The following DACT2 variants were observed in gnomAD, a reference collection of about 807,000 sequenced individuals.
DACT2 encodes the protein dishevelled binding antagonist of beta catenin 2.
Under a neutral mutation model 22.2 loss-of-function variants are expected in DACT2, and 20 were observed. The observed-to-expected ratio is 0.90, with a 90% CI of 0.63 to 1.31. The LOEUF (loss-of-function observed/expected upper bound fraction) is 1.31. Among genes scored for constraint, DACT2 ranks in the 50% most tolerant of loss-of-function variants. DACT2 has a pLI of 0.00. For missense variants in DACT2, 1,048 were observed against 1,061.4 expected (o/e 0.99, Z 0.18); for synonymous variants, 463 against 479.8 (o/e 0.96, Z 0.46).
In DACT2 at chr6:168,293,933, A is replaced by G. The variant is rs374084781; in HGVS notation, c.804T>C (p.Ser268=). The change falls in exon 6 of 6, where the codon AGT becomes AGC. Residue 268 remains serine (S), a synonymous_variant. Transcript: ENST00000366796. ...AAATTCCTGATGATTTTGTCTTTGAACTTGTGTTCTGTAAGTGACGTCCCC... is the reference window on the plus strand; with the variant it reads ...AAATTCCTGATGATTTTGTCTTTGAGCTTGTGTTCTGTAAGTGACGTCCCC... The G allele has an allele frequency of 4.8e-5, 34 of 703,318 alleles. 2 individuals are homozygous for G. The highest frequency in any genetic ancestry group is 4.3e-4 in the East Asian group (16 of 37,298). 43.6% of individuals were successfully genotyped at this position (703,318 alleles called of 1,614,324 possible). A position where few individuals can be genotyped will look rare whatever the true frequency, so the allele number is the denominator to read the frequency against.
chr6:168,311,085 A>G (rs982563967), intron 2 of DACT2, 67 bp downstream of exon 2: 1 of 1,434,220 alleles, frequency 7.0e-7, no homozygotes, highest in Non-Finnish European at 9.2e-7. Context: ...GGCTGGCGGG[A>G]TAGGCTTCAC....
At chr6:168,318,044 ATTGTGT>A (rs1403745788) in intron 1 of DACT2, among the ~76,000 whole-genome samples, 11 of 116,104 alleles carry the variant, frequency 9.5e-5, no homozygotes, top group African/African-American at 3.2e-4. Context: ...AGAAGCTGCG[ATTGTGT>A]CTGGTGCAAA....
At chr6:168,311,495 G>GCCCCC (rs539267578) in intron 1 of DACT2, among the ~76,000 whole-genome samples, 7 of 136,806 alleles carry the variant, frequency 5.1e-5, no homozygotes, top group African/African-American at 2.0e-4. Context: ...GACACCCATC[G>GCCCCC]CCCCCCACAC....
At chr6:168,311,101 C>A in intron 2 of DACT2, 51 bp downstream of exon 2, 1 of 1,479,488 alleles carries the variant, frequency 6.8e-7, no homozygotes, top group Non-Finnish European at 9.0e-7. Context: ...TTCACCTCTG[C>A]CTGTGCTGCG....
At chr6:168,305,063 GGAGA>G (rs760308613), downstream of DACT2, among the ~76,000 whole-genome samples, 4 of 152,060 alleles carry the variant, frequency 2.6e-5, no homozygotes, top group Admixed American at 6.6e-5. Flanking sequence ...CATGAGAGAG[GGAGA>G]GAGAGAGAAA....
chr6:168,309,278 G>A (rs557973800), intron 3 of DACT2, among the ~76,000 whole-genome samples, 180 bp from the exon 4 acceptor site: 106 of 152,178 alleles, frequency 7.0e-4, no homozygotes, highest in Non-Finnish European at 1.3e-3. Flanking sequence ...GACACAGGGC[G>A]CGGGGCAGAC....
chr6:168,308,813 T>A lies in DACT2; in HGVS notation c.944A>T (p.Asn315Ile). 1 of 1,551,390 alleles carries A rather than the reference T, an allele frequency of 6.4e-7. No individual in the cohort carries two copies. The change falls in exon 4 of 4, where the codon AAC becomes ATC. Residue 315 changes from asparagine (N) to isoleucine (I), a missense_variant. Coordinates refer to ENST00000366795, the MANE Select transcript of DACT2 (RefSeq NM_214462.5). ...RESPRGPAGL[N>I]TIQTGPVLEA... ...GAGGACCGGCCCAGTCTGGATGGTGTTCAGACCTGCGGGGCCCCTGGGGCT... is the reference window on the plus strand; with the variant it reads ...GAGGACCGGCCCAGTCTGGATGGTGATCAGACCTGCGGGGCCCCTGGGGCT...
chr6:168,312,988 A>G (rs904270560), intron 1 of DACT2, among the ~76,000 whole-genome samples: 3 of 152,212 alleles, frequency 2.0e-5, no homozygotes, highest in Non-Finnish European at 2.9e-5. Context: ...CTCCTCCTCC[A>G]GGACCCAACT....
chr6:168,311,126 T>G, intron 2 of DACT2, 26 bp downstream of exon 2: 1 of 1,506,376 alleles, frequency 6.6e-7, no homozygotes, highest in Non-Finnish European at 8.9e-7. Context: ...TGCCCCTGTG[T>G]CCGGGAGGTC....
At chr6:168,304,721 G>A (rs1229468763), downstream of DACT2, among the ~76,000 whole-genome samples, 1 of 152,200 alleles carries the variant, frequency 6.6e-6, no homozygotes, top group African/African-American at 2.4e-5. Context: ...CAAATCCTGA[G>A]GAGCTATCAG....
At chr6:168,304,340 G>C (rs931756128), downstream of DACT2, among the ~76,000 whole-genome samples, 4 of 152,224 alleles carry the variant, frequency 2.6e-5, no homozygotes, top group South Asian at 2.1e-4. Flanking sequence ...CTTTCTGCGC[G>C]CCTGCCTGGG....
chr6:168,311,584 C>CACACACACACACACACACCCATCCA (rs1562498529), intron 1 of DACT2, among the ~76,000 whole-genome samples: 1 of 86,102 alleles, frequency 1.2e-5, no homozygotes, highest in Admixed American at 1.2e-4. Flanking sequence ...ACACACCCAT[C>CACACACACACACACACACCCATCCA]CACACACACA....
In DACT2 at chr6:168,307,764, T is replaced by G; in HGVS notation, c.1993A>C (p.Lys665Gln). The change falls in exon 4 of 4, where the codon AAG becomes CAG. Residue 665 changes from lysine to glutamine, a missense_variant. Physicochemically the swap from Lys to Gln is moderately conservative, Grantham distance 53. Coordinates refer to ENST00000366795, the MANE Select transcript of DACT2 (RefSeq NM_214462.5). This position sits in a 1 kb window ranked among gnomAD's most constrained non-coding sequence, Gnocchi z 5.3. ...CGCGGGTCACACTCGGCCGAGTGCT[T>G]GGAGGGCTCTGAGTCGCTCCTGGTG... is the stretch of plus-strand genomic sequence containing the variant. ...AYTRSDSEPS[K>Q]HSAECDPRFP... 6.5e-7 allele frequency: 1 copy of G among 1,546,800 alleles called. No homozygotes were observed. Among genetic ancestry groups the G allele is most frequent in the Non-Finnish European group, 8.7e-7 (1 of 1,146,800 alleles).
At chr6:168,294,547 ATGTG>A in intron 4 of DACT2, 3 of 752,500 alleles carry the variant, frequency 4.0e-6, no homozygotes, top group Non-Finnish European at 5.7e-6. Flanking sequence ...ATAATAAAAT[ATGTG>A]TGTGTGTGTA....
chr6:168,312,702 G>A (rs547972543), intron 1 of DACT2, among the ~76,000 whole-genome samples: 1 of 152,196 alleles, frequency 6.6e-6, no homozygotes, highest in African/African-American at 2.4e-5. Flanking sequence ...TAATTATGTG[G>A]TTGTTTCTCT....
chr6:168,307,920 C>T lies in DACT2; in HGVS notation c.1837G>A (p.Val613Met), dbSNP rs1474044975. Residue 613 changes from valine to methionine, a missense_variant, in exon 4 of 4, where the codon GTG (valine) becomes ATG (methionine). Transcript: ENST00000366795. The surrounding 1 kb of genome is among the most constrained non-coding windows in gnomAD (Gnocchi z 5.3). ...RRKHRRWQST[V>M]EISARARLAS... ...AGGCGGGCCCGGGCCGAGATCTCCA[C>T]GGTGGACTGCCAGCGGCGATGCTTC... The T allele has an allele frequency of 2.7e-5, 42 of 1,545,680 alleles. No homozygotes were observed. Among genetic ancestry groups the T allele is most frequent in the African/African-American group, 6.8e-5 (5 of 73,034 alleles).
chr6:168,307,461 TCGGCTG>T lies in DACT2; in HGVS notation c.2290_2295del (p.Gln764_Pro765del). 6.4e-7 allele frequency: 1 copy of T among 1,551,656 alleles called. No individual in the cohort carries two copies. The highest frequency in any genetic ancestry group is 8.7e-7 in the Non-Finnish European group (1 of 1,146,982). On this transcript the variant is annotated inframe_deletion, in exon 4 of 4. Coordinates refer to ENST00000366795, the MANE Select transcript of DACT2 (RefSeq NM_214462.5). This position sits in a 1 kb window ranked among gnomAD's most constrained non-coding sequence, Gnocchi z 5.3. ...ACCATGGTCATGACCTTCAGGGCCG[TCGGCTG>T]GAACCTGCGGATCTTCTTCTTCAGG...
Position 168,308,138 on chromosome 6 carries a change from G to T in DACT2, c.1619C>A (p.Pro540His), listed in dbSNP as rs1338976958. Reference protein sequence around the residue: ...PSLEWDPAHWPTGRGGLQRRP... With the variant: ...PSLEWDPAHWHTGRGGLQRRP... ...CCGCTGGAGCCCGCCCCTCCCTGTG[G>T]GCCAGTGGGCAGGGTCCCACTCCAG... The change falls in exon 4 of 4, where the codon CCC becomes CAC. Residue 540 changes from proline (P) to histidine (H), a missense_variant. Physicochemically the swap from Pro to His is moderately conservative, Grantham distance 77. Coordinates refer to ENST00000366795, the MANE Select transcript of DACT2 (RefSeq NM_214462.5). 4.5e-6 allele frequency: 7 copies of T among 1,549,682 alleles called. No individual in the cohort carries two copies. Among genetic ancestry groups the T allele is most frequent in the South Asian group, 1.2e-5 (1 of 83,974 alleles).
downstream of DACT2, among the ~76,000 whole-genome samples, chr6:168,304,956 A>G (rs1779175597): frequency 6.6e-6 from 1 of 152,204 alleles, no homozygotes; most frequent in South Asian, 2.1e-4. Flanking sequence ...CTCCAAAGCT[A>G]CTGGAGAGTA....
Sources: gnomAD v4.1 joint callset for allele counts (sites outside exome capture counted in the v4.1 genomes callset) on GRCh38, gnomAD v4.1.1 for gene constraint, Gnocchi (gnomAD v3.1) non-coding constraint, MANE v1.5 for transcripts, NCBI Gene and HGNC (gene_info 2026-07-23, HGNC 2026-07-21) for gene names.